The following DDX60L variants were observed in gnomAD, a reference collection of about 807,000 sequenced individuals.
DDX60L encodes the protein DExD/H-box 60 like.
A neutral mutation model predicts 211.6 loss-of-function variants in DDX60L; 191 were observed. The ratio of observed to expected loss-of-function variants is 0.90; its 90% CI spans 0.80 to 1.02. DDX60L has a LOEUF of 1.02. Ranked by LOEUF, DDX60L falls within the 50% of genes least tolerant of loss-of-function variation. The probability of loss-of-function intolerance (pLI) is 0.00; values close to 1 mark genes in which losing one functional copy is unlikely to be tolerated. For missense variants in DDX60L, 2,007 were observed against 1,984.1 expected, an observed-to-expected ratio of 1.01 and a Z score of -0.22; for synonymous variants, 706 against 694.1, an observed-to-expected ratio of 1.02 and a Z score of -0.27.
Position 168,433,921 on chromosome 4 carries a change from G to A in DDX60L, c.1295-806C>T, listed in dbSNP as rs1752697883. Among the ~76,000 whole-genome samples, 2 of 152,062 alleles carry A rather than the reference G, an allele frequency of 1.3e-5. 1 individual carries two copies. The highest frequency in any genetic ancestry group is 4.1e-4 in the South Asian group (2 of 4,832). On this transcript the variant is annotated intron_variant, in intron 10 of 37. Coordinates refer to ENST00000682922, the MANE Select transcript of DDX60L (RefSeq NM_001012967.3). ...AGTTGTACTTATACTAGTTACACTA[G>A]CCCCCAACAACCATTATTTTGTCTC...
Position 168,461,886 on chromosome 4 carries a change from G to C in DDX60L, c.419C>G (p.Pro140Arg), listed in dbSNP as rs548469816. Residue 140 changes from proline (P) to arginine (R), a missense_variant, in exon 5 of 38, where the codon CCG (proline) becomes CGG (arginine). Physicochemically the swap from Pro to Arg is moderately radical, Grantham distance 103. Coordinates refer to ENST00000682922, the MANE Select transcript of DDX60L (RefSeq NM_001012967.3). ...DWKLFLEQHY[P>R]YFLIVSEEGL... ...TTCCTCTGAAACTATCAGAAAATAC[G>C]GGTAATGCTGTTCCAAGAATAACTT... 6.2e-7 allele frequency: 1 copy of C among 1,611,520 alleles called. No homozygotes were observed. The highest frequency in any genetic ancestry group is 1.1e-5 in the South Asian group (1 of 90,578).
chr4:168,363,170 G>T (rs1739389619), intron 36 of DDX60L, among the ~76,000 whole-genome samples: 1 of 152,076 alleles, frequency 6.6e-6, no homozygotes, highest in Non-Finnish European at 1.5e-5. Context: ...AGCGCTGAAA[G>T]AAAAAGAAAA....
intron 1 of DDX60L, among the ~76,000 whole-genome samples, chr4:168,477,161 A>T (rs1047439141): frequency 6.6e-6 from 1 of 152,142 alleles, no homozygotes; most frequent in African/African-American, 2.4e-5. Context: ...CACGTCTGTA[A>T]TCCCAGCACT....
At position 168,379,787 on chromosome 4, in the gene DDX60L, C is replaced by G; in HGVS notation, c.4160G>C (p.Arg1387Pro). 2 of 1,612,958 alleles carry G rather than the reference C, an allele frequency of 1.2e-6. No individual in the cohort carries two copies. Among genetic ancestry groups the G allele is most frequent in the Non-Finnish European group, 1.7e-6 (2 of 1,179,386 alleles). Residue 1387 changes from arginine (R) to proline (P), a missense_variant, in exon 31 of 38, where the codon CGA becomes CCA. Arg to Pro is a moderately radical substitution (Grantham distance 103). Coordinates refer to ENST00000682922, the MANE Select transcript of DDX60L (RefSeq NM_001012967.3). ...AAGTTTCAAAGTCTCCATGGCTCTT[C>G]GTCTCTTAAAAGACAGCAATGAATG... ...LKHSLLSFKR[R>P]RAMETLKLYF...
intron 22 of DDX60L, among the ~76,000 whole-genome samples, chr4:168,407,489 A>G (rs1747952073): frequency 6.6e-6 from 1 of 152,232 alleles, no homozygotes; most frequent in South Asian, 2.1e-4. Flanking sequence ...AGTAACATCT[A>G]AACCGTAACA....
In DDX60L at chr4:168,457,864, T is replaced by C. The variant is rs138188980; in HGVS notation, c.723+28A>G. ...TCATTTACCAAATTCTATCAAACTT[T>C]TATTTAAAGAAATAAAAATTTTAAT... On this transcript the variant is annotated intron_variant, in intron 6 of 37. Transcript: ENST00000682922. 794 of 1,393,628 alleles carry C rather than the reference T, an allele frequency of 5.7e-4. 1 individual carries two copies. In the African/African-American group the frequency reaches 9.3e-3, roughly 16 times the overall value. 86.3% of individuals were successfully genotyped at this position (1,393,628 alleles called of 1,614,324 possible). A position where few individuals can be genotyped will look rare whatever the true frequency, so the allele number is the denominator to read the frequency against.
At chr4:168,457,303 C>G (rs1042281743) in intron 6 of DDX60L, among the ~76,000 whole-genome samples, 1 of 151,618 alleles carries the variant, frequency 6.6e-6, no homozygotes, top group Non-Finnish European at 1.5e-5. Context: ...TACACACACA[C>G]ACACACACAA....
chr4:168,388,227 A>G (rs574553170), intron 29 of DDX60L, among the ~76,000 whole-genome samples: 15 of 152,324 alleles, frequency 9.8e-5, no homozygotes, highest in African/African-American at 3.6e-4. Context: ...CTTCAAAGAA[A>G]ACATATAAGG....
At chr4:168,425,773 A>G (rs971169230) in intron 14 of DDX60L, among the ~76,000 whole-genome samples, 12 of 152,242 alleles carry the variant, frequency 7.9e-5, no homozygotes, top group Admixed American at 2.0e-4. Context: ...TCCCAAAAAA[A>G]AGAAAAAAAA....
At chr4:168,389,993 A>C (rs909807393) in intron 29 of DDX60L, 13 of 207,004 alleles carry the variant, frequency 6.3e-5, no homozygotes, top group Non-Finnish European at 1.7e-5. Context: ...CTAGACAGAG[A>C]CAACCTGACA....
rs556242015 is a variant in DDX60L, at chr4:168,441,841, A to C, written c.1139-349T>G. Reference sequence around the variant, plus strand: ...CTGCCCAAAAAATTAACAAAGGAACATCACCATTTTAATCATAGTCCTTAT... The same window carrying C: ...CTGCCCAAAAAATTAACAAAGGAACCTCACCATTTTAATCATAGTCCTTAT... On this transcript the variant is annotated intron_variant, in intron 9 of 37. Coordinates refer to ENST00000682922, the MANE Select transcript of DDX60L (RefSeq NM_001012967.3). Among the ~76,000 whole-genome samples the C allele has an allele frequency of 2.4e-4, 37 of 152,294 alleles. 1 individual carries two copies. Among genetic ancestry groups the C allele is most frequent in the African/African-American group, 8.7e-4 (36 of 41,538 alleles).
At chr4:168,367,848 T>C (rs1740259471) in intron 36 of DDX60L, among the ~76,000 whole-genome samples, 1 of 152,198 alleles carries the variant, frequency 6.6e-6, no homozygotes, top group Non-Finnish European at 1.5e-5. Flanking sequence ...ATTTTGCCCC[T>C]GCCCTAGAGA....
intron 24 of DDX60L, among the ~76,000 whole-genome samples, chr4:168,405,012 A>G (rs1367349249): frequency 6.9e-6 from 1 of 145,578 alleles, no homozygotes; most frequent in Non-Finnish European, 1.5e-5. Flanking sequence ...CATCAGTATC[A>G]TTTTTTTTTT....
intron 5 of DDX60L, among the ~76,000 whole-genome samples, chr4:168,458,626 A>T (rs1243796347): frequency 1.3e-5 from 2 of 152,100 alleles, no homozygotes; most frequent in Non-Finnish European, 2.9e-5. Flanking sequence ...ACACAGGGAA[A>T]GGAACAACAC....
intron 22 of DDX60L, among the ~76,000 whole-genome samples, chr4:168,407,990 G>C (rs1426202276): frequency 6.6e-6 from 1 of 152,210 alleles, no homozygotes; most frequent in Non-Finnish European, 1.5e-5. Context: ...TATGAAGCTA[G>C]CTAGTTGGCA....
At chr4:168,368,570 A>T (rs1740403298) in intron 36 of DDX60L, among the ~76,000 whole-genome samples, 1 of 152,158 alleles carries the variant, frequency 6.6e-6, no homozygotes, top group Non-Finnish European at 1.5e-5. Flanking sequence ...TGCCTAGTGG[A>T]GCTGTGAGAA....
At chr4:168,476,914 A>T (rs1759582430) in intron 1 of DDX60L, among the ~76,000 whole-genome samples, 1 of 152,206 alleles carries the variant, frequency 6.6e-6, no homozygotes, top group Non-Finnish European at 1.5e-5. Context: ...AGGTGCAAAG[A>T]ACATTAAGAC....
chr4:168,366,327 G>C (rs1274616961), intron 36 of DDX60L, among the ~76,000 whole-genome samples: 1 of 151,958 alleles, frequency 6.6e-6, no homozygotes, highest in Non-Finnish European at 1.5e-5. Flanking sequence ...AATCAGTAGT[G>C]TTTCTATGCA....
intron 9 of DDX60L, among the ~76,000 whole-genome samples, chr4:168,447,168 C>T (rs1289519985): frequency 2.1e-5 from 3 of 146,242 alleles, no homozygotes; most frequent in African/African-American, 7.5e-5. Context: ...CTACAATGAA[C>T]TCAAACAAAT....
Sources: allele counts gnomAD v4.1 joint callset (sites outside exome capture counted in the v4.1 genomes callset), GRCh38; gene constraint gnomAD v4.1.1; transcripts MANE v1.5; gene names NCBI Gene and HGNC (gene_info 2026-07-23, HGNC 2026-07-21).